Variants in PCDHGA6 observed in about 807,000 individuals in gnomAD.
The protein encoded by PCDHGA6 is protocadherin gamma-A6.
In PCDHGA6, 41 loss-of-function variants were observed where a neutral mutation model predicts 60.6. The observed-to-expected ratio is 0.68, with a 90% confidence interval of 0.53 to 0.88. The LOEUF is 0.88. PCDHGA6 is among the 40% of genes least tolerant of loss of function. The pLI, the probability that PCDHGA6 is intolerant of heterozygous loss-of-function variation, is 0.00. For missense variants in PCDHGA6, 1,312 were observed against 1,203.0 expected (o/e 1.09, Z -1.34); for synonymous variants, 594 against 524.4 (o/e 1.13, Z -1.81).
At chr5:141,461,133 T>C (rs2099009646) in intron 1 of PCDHGA6, among the ~76,000 whole-genome samples, 1 of 152,086 alleles carries the variant, frequency 6.6e-6, no homozygotes, top group South Asian at 2.1e-4. Flanking sequence ...TAATTACTTA[T>C]TTTCCTTTGG....
chr5:141,480,887 A>T (rs2099527301), intron 1 of PCDHGA6, among the ~76,000 whole-genome samples: 1 of 152,146 alleles, frequency 6.6e-6, no homozygotes. Flanking sequence ...TCTACTAAAA[A>T]TGCAAACATT....
chr5:141,485,993 A>C lies in PCDHGA6; in HGVS notation c.2425-8814A>C. 6.2e-7 allele frequency: 1 copy of C among 1,614,210 alleles called. No homozygotes were observed. Among genetic ancestry groups the C allele is most frequent in the Non-Finnish European group, 8.5e-7 (1 of 1,180,028 alleles). On this transcript the variant is annotated intron_variant, in intron 1 of 3. Coordinates refer to ENST00000517434, the MANE Select transcript of PCDHGA6 (RefSeq NM_018919.3). The surrounding 1 kb of genome is among the most constrained non-coding windows in gnomAD (Gnocchi z 5.7). ...TGCCTCAGACCCGGACCTGGGTCCC[A>C]GTGGTAACGTCACCTTTTATTTCAG...
At chr5:141,457,933 TATTGGC>T (rs2098933012) in intron 1 of PCDHGA6, among the ~76,000 whole-genome samples, 2 of 152,206 alleles carry the variant, frequency 1.3e-5, no homozygotes, top group Non-Finnish European at 2.9e-5. Context: ...AAGGGGCTTT[TATTGGC>T]TCTGCATGTC....
At chr5:141,399,497 T>C in intron 1 of PCDHGA6, 1 of 1,614,030 alleles carries the variant, frequency 6.2e-7, no homozygotes, top group Non-Finnish European at 8.5e-7. Flanking sequence ...TTAGTCAGTG[T>C]ACCCGAAAAC....
Position 141,505,475 on chromosome 5 carries a change from G to A in PCDHGA6, c.2566G>A (p.Ala856Thr), listed in dbSNP as rs769108315. The A allele has an allele frequency of 2.2e-5, 35 of 1,614,098 alleles. No homozygotes were observed. Among genetic ancestry groups the A allele is most frequent in the South Asian group, 5.5e-5 (5 of 91,090 alleles). ...GCTGCAAGCCATGATCTTGGCGTCC[G>A]CCAGTGGTAAGTGGTGTCAGTGTGT... ...EMLQAMILAS[A>T]SEAADGSSTL... The change falls in exon 3 of 4, where the codon GCC becomes ACC. Residue 856 changes from alanine to threonine, a missense_variant. Physicochemically the swap from Ala to Thr is moderately conservative, Grantham distance 58. Transcript: ENST00000517434.
intron 2 of PCDHGA6, among the ~76,000 whole-genome samples, chr5:141,498,024 A>G (rs1455238086): frequency 6.6e-6 from 1 of 152,200 alleles, no homozygotes; most frequent in East Asian, 1.9e-4. Flanking sequence ...GGAGACAAAT[A>G]TTGACCAAAT....
chr5:141,400,027 GC>G (rs746080003), intron 1 of PCDHGA6: 8 of 1,612,664 alleles, frequency 5.0e-6, no homozygotes, highest in Admixed American at 1.7e-5. Flanking sequence ...CAGGGACGCG[GC>G]CCGCCAGCGC....
At chr5:141,478,845 A>G in intron 1 of PCDHGA6, 2 of 1,389,784 alleles carry the variant, frequency 1.4e-6, no homozygotes, top group Non-Finnish European at 9.5e-7. Flanking sequence ...TGGTTAAGCT[A>G]AAACACAAGA....
intron 2 of PCDHGA6, among the ~76,000 whole-genome samples, chr5:141,497,540 C>CTT (rs754207034): frequency 2.8e-4 from 38 of 134,912 alleles, no homozygotes; most frequent in African/African-American, 8.9e-4. Context: ...TGCAACAAAC[C>CTT]TTTTTTTTTT....
chr5:141,477,644 T>A lies in PCDHGA6; in HGVS notation c.2425-17163T>A. On this transcript the variant is annotated intron_variant, in intron 1 of 3. Coordinates refer to ENST00000517434, the MANE Select transcript of PCDHGA6 (RefSeq NM_018919.3). The surrounding 1 kb of genome is among the most constrained non-coding windows in gnomAD (Gnocchi z 4.9). ...TGAAACCGGGCTAGTGGGTCGCTAT[T>A]TCACAATAAATCGTGACAATGGCAT... The A allele has an allele frequency of 6.2e-7, 1 of 1,614,200 alleles. No homozygotes were observed. Among genetic ancestry groups the A allele is most frequent in the Non-Finnish European group, 8.5e-7 (1 of 1,180,036 alleles).
intron 1 of PCDHGA6, chr5:141,379,151 G>A (rs1015357697): frequency 4.6e-5 from 7 of 152,166 alleles, no homozygotes; most frequent in Admixed American, 6.5e-5. Flanking sequence ...TTTGTAACCT[G>A]ACTTTGTCAG....
chr5:141,425,934 G>A lies in PCDHGA6; in HGVS notation c.2424+49427G>A, dbSNP rs1237431530. Among the ~76,000 whole-genome samples, 4 of 152,352 alleles carry A rather than the reference G, an allele frequency of 2.6e-5. 1 individual carries two copies. Among genetic ancestry groups the A allele is most frequent in the East Asian group, 1.9e-4 (1 of 5,188 alleles). On this transcript the variant is annotated intron_variant, in intron 1 of 3. Coordinates refer to ENST00000517434, the MANE Select transcript of PCDHGA6 (RefSeq NM_018919.3). ...CAGTCACTACGAAAACTCATAAAAT[G>A]TCTAGTTTCCTATACATTAGTCCAA...
chr5:141,464,310 A>T lies in PCDHGA6; in HGVS notation c.2425-30497A>T, dbSNP rs1327900308. ...AAAAAACTCCATTGTATGTGCACAT[A>T]TCATTATCTGTTCAACCCATCTATG... On this transcript the variant is annotated intron_variant, in intron 1 of 3. Coordinates refer to ENST00000517434, the MANE Select transcript of PCDHGA6 (RefSeq NM_018919.3). 2.0e-5 allele frequency among the ~76,000 whole-genome samples: 3 copies of T among 151,494 alleles called. No homozygotes were observed. The East Asian group carries it at 5.8e-4, about 29-fold the overall frequency.
chr5:141,394,393 A>G lies in PCDHGA6; in HGVS notation c.2424+17886A>G, dbSNP rs201461446. ...TCTTTCGACTATGAGCAGATCCGAG[A>G]CCTGCAGCTACTGGTAACAGCCAGC... On this transcript the variant is annotated intron_variant, in intron 1 of 3. Coordinates refer to ENST00000517434, the MANE Select transcript of PCDHGA6 (RefSeq NM_018919.3). The G allele has an allele frequency of 4.3e-4, 696 of 1,614,048 alleles. No individual in the cohort carries two copies. The highest frequency in any genetic ancestry group is 5.7e-4 in the Non-Finnish European group (671 of 1,180,036).
chr5:141,464,394 G>A (rs1277856342), intron 1 of PCDHGA6, among the ~76,000 whole-genome samples: 1 of 150,654 alleles, frequency 6.6e-6, no homozygotes. Context: ...TGCTAATGAA[G>A]AACCTGAGAT....
At position 141,414,416 on chromosome 5, in the gene PCDHGA6, T is replaced by C. The variant is rs550804810; in HGVS notation, c.2424+37909T>C. The C allele has an allele frequency of 2.2e-5, 35 of 1,613,902 alleles. No homozygotes were observed. In the South Asian group the frequency reaches 3.5e-4, roughly 16 times the overall value. On this transcript the variant is annotated intron_variant, in intron 1 of 3. Coordinates refer to ENST00000517434, the MANE Select transcript of PCDHGA6 (RefSeq NM_018919.3). ...TACAGATTGGTGATACACAGAGCCCTTGACAGGGAACAGGTATCCTCTTAC... is the reference window on the plus strand; with the variant it reads ...TACAGATTGGTGATACACAGAGCCCCTGACAGGGAACAGGTATCCTCTTAC...
At position 141,511,106 on chromosome 5, in the gene PCDHGA6, G is replaced by T. The variant is rs536900646; in HGVS notation, c.2732G>T (p.Arg911Leu). ...NATLTNAAGK[R>L]DGKAPAGGNG... is the part of the protein sequence containing the mutation. Reference sequence around the variant, plus strand: ...ACACTGACCAACGCAGCTGGCAAGCGGGATGGCAAGGCCCCAGCAGGTGGC... The same window carrying T: ...ACACTGACCAACGCAGCTGGCAAGCTGGATGGCAAGGCCCCAGCAGGTGGC... Residue 911 changes from arginine to leucine, a missense_variant, in exon 4 of 4, where the codon CGG becomes CTG. Transcript: ENST00000517434. 8.7e-6 allele frequency: 14 copies of T among 1,614,196 alleles called. No individual in the cohort carries two copies. Among genetic ancestry groups the T allele is most frequent in the Non-Finnish European group, 1.2e-5 (14 of 1,180,016 alleles).
rs763433178 is a variant in PCDHGA6, at chr5:141,409,635, A to G, written c.2424+33128A>G. On this transcript the variant is annotated intron_variant, in intron 1 of 3. Transcript: ENST00000517434. ...TCCATTGCGCAAGTGAGCGCCTCTG[A>G]CCCGGATTTGGGGCTCAATGGCCAC... 3 of 1,613,784 alleles carry G rather than the reference A, an allele frequency of 1.9e-6. No individual in the cohort carries two copies. The South Asian group carries it at 3.3e-5, about 18-fold the overall frequency.
intron 1 of PCDHGA6, among the ~76,000 whole-genome samples, chr5:141,468,994 T>C (rs2099188173): frequency 6.7e-6 from 1 of 148,824 alleles, no homozygotes; most frequent in Non-Finnish European, 1.5e-5. Context: ...ATTATTGTTT[T>C]TGCTGGGTGC....
Sources: allele counts gnomAD v4.1 joint callset (sites outside exome capture counted in the v4.1 genomes callset), GRCh38; gene constraint gnomAD v4.1.1; non-coding constraint Gnocchi (gnomAD v3.1); transcripts MANE v1.5; gene names NCBI Gene and HGNC (gene_info 2026-07-23, HGNC 2026-07-21).